The following AHNAK2 variants were observed in gnomAD, a reference collection of about 807,000 sequenced individuals.
The protein encoded by AHNAK2 is AHNAK nucleoprotein 2, also known as protein AHNAK2.
Under a neutral mutation model 30.7 loss-of-function variants are expected in AHNAK2, and 18 were observed. The observed-to-expected ratio is 0.59, with a 90% CI of 0.41 to 0.87. AHNAK2 has a LOEUF of 0.87. Ranked by LOEUF, AHNAK2 falls within the 40% of genes least tolerant of loss-of-function variation. The pLI, the probability that AHNAK2 is intolerant of heterozygous loss-of-function variation, is 0.00. For synonymous variants in AHNAK2, 3,590 were observed against 3,073.8 expected, an observed-to-expected ratio of 1.17 and a Z score of -5.56; for missense variants, 8,604 against 7,373.0, an observed-to-expected ratio of 1.17 and a Z score of -6.11.
In AHNAK2 at chr14:104,941,455, G is replaced by A. The variant is rs1196036502; in HGVS notation, c.13996C>T (p.Pro4666Ser). The A allele has an allele frequency of 1.2e-6, 2 of 1,612,422 alleles. No homozygotes were observed. The highest frequency in any genetic ancestry group is 1.3e-5 in the African/African-American group (1 of 74,930). ...VTFHEKTSTF[P>S]IVESVVHEGD... ...TCATGAACAACAGATTCCACAATGG[G>A]AAATGTGGAAGTCTTCTCATGGAAT... is the stretch of plus-strand genomic sequence containing the variant. The change falls in exon 7 of 7, where the codon CCC becomes TCC. Residue 4666 changes from proline to serine, a missense_variant. Transcript: ENST00000333244.
rs1898257460 is a variant in AHNAK2, at chr14:104,946,165, C to A, written c.9286G>T (p.Asp3096Tyr). 6.2e-7 allele frequency: 1 copy of A among 1,612,122 alleles called. No individual in the cohort carries two copies. Among genetic ancestry groups the A allele is most frequent in the Non-Finnish European group, 8.5e-7 (1 of 1,179,380 alleles). The change falls in exon 7 of 7, where the codon GAC becomes TAC. Residue 3096 changes from aspartate to tyrosine, a missense_variant. By Grantham distance (160) the Asp-to-Tyr change is radical. Transcript: ENST00000333244. ...PKLDLKGPKT[D>Y]VTAPDVEVSQ... is the part of the protein sequence containing the mutation. ...ACCTCCACGTCGGGGGCCGTCACGTCCGTCTTCGGGCCTTTCAGGTCCAGC... is the reference window on the plus strand; with the variant it reads ...ACCTCCACGTCGGGGGCCGTCACGTACGTCTTCGGGCCTTTCAGGTCCAGC...
In AHNAK2 at chr14:104,947,284, C is replaced by G; in HGVS notation, c.8167G>C (p.Glu2723Gln). ...AGGTGCCCTTTGAGGCCGGCTCCCTCGGGAACGTGGCCCTCTGGGAGTTTC... is the reference window on the plus strand; with the variant it reads ...AGGTGCCCTTTGAGGCCGGCTCCCTGGGGAACGTGGCCCTCTGGGAGTTTC... ...DVKLPEGHVP[E>Q]GAGLKGHLPK... The change falls in exon 7 of 7, where the codon GAG becomes CAG. Residue 2723 changes from glutamate to glutamine, a missense_variant. Glu to Gln is a conservative substitution (Grantham distance 29). Coordinates refer to ENST00000333244, the MANE Select transcript of AHNAK2 (RefSeq NM_138420.4). The G allele has an allele frequency of 6.2e-7, 1 of 1,611,594 alleles. No individual in the cohort carries two copies. The highest frequency in any genetic ancestry group is 8.5e-7 in the Non-Finnish European group (1 of 1,179,330).
In AHNAK2 at chr14:104,950,257, G is replaced by A. The variant is rs531726636; in HGVS notation, c.5194C>T (p.Pro1732Ser). Residue 1732 changes from proline (P) to serine (S), a missense_variant, in exon 7 of 7, where the codon CCC becomes TCC. Transcript: ENST00000333244. ...VNVKLPEGPL[P>S]EGAGFKGHLP... ...TGCCCTTTGAAGCCGGCTCCCTCGG[G>A]AAGGGGGCCCTCCGGGAGTTTCACG... is the stretch of plus-strand genomic sequence containing the variant. 2.2e-4 allele frequency: 348 copies of A among 1,583,696 alleles called. 47 individuals are homozygous for A. In the East Asian group the frequency reaches 3.8e-3, roughly 17 times the overall value.
rs1898273201 is a variant in AHNAK2, at chr14:104,946,438, C to A, written c.9013G>T (p.Ala3005Ser). ...KSIEVSVDVS[A>S]PKVEAEVSLP... ...CTCACTTCGGCCTCCACCTTCGGCG[C>A]AGACACATCCACCGAGACCTCAATG... is the stretch of plus-strand genomic sequence containing the variant. The change falls in exon 7 of 7, where the codon GCG (alanine) becomes TCG (serine). Residue 3005 changes from alanine to serine, a missense_variant. Coordinates refer to ENST00000333244, the MANE Select transcript of AHNAK2 (RefSeq NM_138420.4). 2.5e-6 allele frequency: 4 copies of A among 1,612,580 alleles called. No individual in the cohort carries two copies. In the Middle Eastern group the frequency reaches 5.0e-4, roughly 200 times the overall value.
chr14:104,941,839 C>G lies in AHNAK2; in HGVS notation c.13612G>C (p.Glu4538Gln). ...DLKLPEGHMP[E>Q]VAGLKGHLPK... ...AGGTGCCCTTTGAGGCCGGCTACCT[C>G]GGGCATGTGGCCTTCTGGAAGTTTC... Residue 4538 changes from glutamate to glutamine, a missense_variant, in exon 7 of 7, where the codon GAG (glutamate) becomes CAG (glutamine). Coordinates refer to ENST00000333244, the MANE Select transcript of AHNAK2 (RefSeq NM_138420.4). 6.2e-7 allele frequency: 1 copy of G among 1,613,354 alleles called. No individual in the cohort carries two copies. The highest frequency in any genetic ancestry group is 1.1e-5 in the South Asian group (1 of 91,050).
rs144991997 is a variant in AHNAK2 at position 104,937,906 on chromosome 14, G to C, written c.*157C>G. 4,093 of 743,788 alleles carry C rather than the reference G, an allele frequency of 5.5e-3. 31 individuals are homozygous for C. Among genetic ancestry groups the C allele is most frequent in the Non-Finnish European group, 5.7e-3 (2,791 of 491,602 alleles). The allele number at this position is 743,788 out of a possible 1,614,324, so 46.1% of individuals were successfully genotyped here. A position where few individuals can be genotyped will look rare whatever the true frequency, so the allele number is the denominator to read the frequency against. On this transcript the variant is annotated 3_prime_UTR_variant, in exon 7 of 7. Transcript: ENST00000333244. ...TTCCATTTTAGGAGGGCTGTGTGAT[G>C]GTGACAAAGGTGTTCTGGTCATTTC...
Position 104,953,206 on chromosome 14 carries a change from G to T in AHNAK2, c.2245C>A (p.Pro749Thr), listed in dbSNP as rs764636512. ...VDVKLPEGPL[P>T]EGASLKGHLP... is the part of the protein sequence containing the mutation. The stretch of plus-strand genomic sequence containing the variant: ...TGCCCTTTGAGGCTGGCTCCCTCGG[G>T]CAGGGGGCCCTCCGGAAGTTTCACA... The change falls in exon 7 of 7, where the codon CCC becomes ACC. Residue 749 changes from proline (P) to threonine (T), a missense_variant. Pro to Thr is a conservative substitution (Grantham distance 38, BLOSUM62 -1). Transcript: ENST00000333244. 3.1e-6 allele frequency: 5 copies of T among 1,612,750 alleles called. No homozygotes were observed. The South Asian group carries it at 4.4e-5, about 14-fold the overall frequency.
rs764770373 is a variant in AHNAK2 at position 104,941,611 on chromosome 14, G to A, written c.13840C>T (p.Leu4614=). The change falls in exon 7 of 7, where the codon CTG becomes TTG. Residue 4614 remains leucine, a synonymous_variant. Transcript: ENST00000333244. ...MLDGARLEGD[L]SLAHEDVAGK... ...GCTACATCCTCGTGGGCCAGGGACA[G>A]GTCCCCCTCAAGCCGCGCACCATCC... The A allele has an allele frequency of 2.5e-6, 4 of 1,613,384 alleles. No individual in the cohort carries two copies. The Admixed American group carries it at 5.0e-5, about 20-fold the overall frequency.
chr14:104,957,830 T>G (rs1283620761), intron 1 of AHNAK2, among the ~76,000 whole-genome samples, 158 bp from the exon 2 acceptor site: 1 of 152,152 alleles, frequency 6.6e-6, no homozygotes, highest in Non-Finnish European at 1.5e-5. Flanking sequence ...GGAAGATCTA[T>G]AGCCAATGGG....
In AHNAK2 at chr14:104,950,107, C is replaced by T. The variant is rs200164919; in HGVS notation, c.5344G>A (p.Val1782Met). The change falls in exon 7 of 7, where the codon GTG becomes ATG. Residue 1782 changes from valine (V) to methionine (M), a missense_variant. Physicochemically the swap from Val to Met is conservative, Grantham distance 21. Coordinates refer to ENST00000333244, the MANE Select transcript of AHNAK2 (RefSeq NM_138420.4). ...GPKAEVMAPD[V>M]EVSLPSVEVD... is the part of the protein sequence containing the mutation. ...TCCACGCTGGGCAGAGACACCTCCA[C>T]GTCGGGGGCCATCACCTCCGCCTTG... 329 of 1,587,176 alleles carry T rather than the reference C, an allele frequency of 2.1e-4. 35 individuals are homozygous for T. The African/African-American group carries it at 2.5e-3, about 12-fold the overall frequency.
In AHNAK2 at chr14:104,943,325, G is replaced by A. The variant is rs780291163; in HGVS notation, c.12126C>T (p.Pro4042=). Reference sequence around the variant, plus strand: ...GGTGCCCTTTGAGGCTGGCTCCCTCGGGCACGGGGCCCTCTGGGAGTTTCA... The same window carrying A: ...GGTGCCCTTTGAGGCTGGCTCCCTCAGGCACGGGGCCCTCTGGGAGTTTCA... The part of the protein sequence containing the change: ...VDVKLPEGPV[P]EGASLKGHLP... Residue 4042 remains proline (P), a synonymous_variant, in exon 7 of 7, where the codon CCC becomes CCT. Transcript: ENST00000333244. 2.5e-5 allele frequency: 40 copies of A among 1,612,630 alleles called. No individual in the cohort carries two copies. The highest frequency in any genetic ancestry group is 5.4e-5 in the African/African-American group (4 of 74,624).
Position 104,939,822 on chromosome 14 carries a change from G to T in AHNAK2, c.15629C>A (p.Ala5210Asp), listed in dbSNP as rs1357061828. The change falls in exon 7 of 7, where the codon GCT becomes GAT. Residue 5210 changes from alanine to aspartate, a missense_variant. Transcript: ENST00000333244. Reference sequence around the variant, plus strand: ...TGTCTGAGCCACTTCCAGCTTTCCAGCCCCGCCTCTGTCCCTGAAAGAGCG... The same window carrying T: ...TGTCTGAGCCACTTCCAGCTTTCCATCCCCGCCTCTGTCCCTGAAAGAGCG... Reference protein sequence around the residue: ...LRRSFRDRGGAGKLEVAQTQA... With the variant: ...LRRSFRDRGGDGKLEVAQTQA... 1 of 1,613,416 alleles carries T rather than the reference G, an allele frequency of 6.2e-7. No individual in the cohort carries two copies. The highest frequency in any genetic ancestry group is 1.3e-5 in the African/African-American group (1 of 74,924).
At chr14:104,968,011 AC>A (rs1235069678) in intron 1 of AHNAK2, among the ~76,000 whole-genome samples, 1 of 152,086 alleles carries the variant, frequency 6.6e-6, no homozygotes. Context: ...GAATCATGAC[AC>A]TGTTTGTTGA....
rs1260422836 is a variant in AHNAK2 at position 104,947,715 on chromosome 14, A to C, written c.7736T>G (p.Met2579Arg). 2 of 1,612,188 alleles carry C rather than the reference A, an allele frequency of 1.2e-6. No homozygotes were observed. The highest frequency in any genetic ancestry group is 1.7e-6 in the Non-Finnish European group (2 of 1,179,466). ...ATCTAGCTGGGGGCCCTTGAGGTCC[A>C]TTTCAGGCATCTTGAAACTGGGCAT... ...VQMPSFKMPEMDLKGPQLDVK... is the reference protein window; with the variant it reads ...VQMPSFKMPERDLKGPQLDVK... The change falls in exon 7 of 7, where the codon ATG becomes AGG. Residue 2579 changes from methionine (M) to arginine (R), a missense_variant. By Grantham distance (91) the Met-to-Arg change is moderately conservative. Transcript: ENST00000333244.
At chr14:104,970,407 G>T in intron 1 of AHNAK2, 1 of 985,378 alleles carries the variant, frequency 1.0e-6, no homozygotes, top group Non-Finnish European at 1.2e-6. Flanking sequence ...CAGACCCGCG[G>T]AAGAGTGAGG....
Position 104,945,547 on chromosome 14 carries a change from T to C in AHNAK2, c.9904A>G (p.Thr3302Ala). Residue 3302 changes from threonine (T) to alanine (A), a missense_variant, in exon 7 of 7, where the codon ACT becomes GCT. Coordinates refer to ENST00000333244, the MANE Select transcript of AHNAK2 (RefSeq NM_138420.4). ...GDLSLADKDV[T>A]AKDSKFKMPK... ...ATTTTGAACTTGCTGTCTTTGGCAG[T>C]CACATCCTTGTCGGCCAGGGACAGG... 1 of 1,611,552 alleles carries C rather than the reference T, an allele frequency of 6.2e-7. No individual in the cohort carries two copies. Among genetic ancestry groups the C allele is most frequent in the Non-Finnish European group, 8.5e-7 (1 of 1,179,002 alleles).
chr14:104,946,991 C>T lies in AHNAK2; in HGVS notation c.8460G>A (p.Met2820Ile). The T allele has an allele frequency of 6.2e-7, 1 of 1,612,714 alleles. No homozygotes were observed. The highest frequency in any genetic ancestry group is 8.5e-7 in the Non-Finnish European group (1 of 1,179,678). ...CTGGGGCCGACACCCCGAATGACGG[C>T]ATCTTGAACTTGGGCATTTTGAACT... Reference protein sequence around the residue: ...DSKFKMPKFKMPSFGVSAPGK... With the variant: ...DSKFKMPKFKIPSFGVSAPGK... The change falls in exon 7 of 7, where the codon ATG becomes ATA. Residue 2820 changes from methionine (M) to isoleucine (I), a missense_variant. Transcript: ENST00000333244.
chr14:104,941,158 C>A lies in AHNAK2; in HGVS notation c.14293G>T (p.Ala4765Ser), dbSNP rs1897970310. ...TCAAGCCGGGATGATGGAAACCCAGCAAAACCCACCTTAGGCATCTGCATG... is the reference window on the plus strand; with the variant it reads ...TCAAGCCGGGATGATGGAAACCCAGAAAAACCCACCTTAGGCATCTGCATG... ...PSMQMPKVGFAGFPSSRLDLT... is the reference protein window; with the variant it reads ...PSMQMPKVGFSGFPSSRLDLT... Residue 4765 changes from alanine to serine, a missense_variant, in exon 7 of 7, where the codon GCT becomes TCT. Transcript: ENST00000333244. 3 of 1,613,446 alleles carry A rather than the reference C, an allele frequency of 1.9e-6. No individual in the cohort carries two copies. The African/African-American group carries it at 4.0e-5, about 22-fold the overall frequency.
chr14:104,952,853 G>T lies in AHNAK2; in HGVS notation c.2598C>A (p.Asp866Glu), dbSNP rs761886893. ...CCCCCTGCATGGAGGAGAGGCTCAC[G>T]TCGGCCTCCACCTTCGGCGCAGACA... ...VDVSAPKVEA[D>E]VSLSSMQGDL... Residue 866 changes from aspartate (D) to glutamate (E), a missense_variant, in exon 7 of 7, where the codon GAC (aspartate) becomes GAA (glutamate). Coordinates refer to ENST00000333244, the MANE Select transcript of AHNAK2 (RefSeq NM_138420.4). 4.3e-6 allele frequency: 7 copies of T among 1,612,512 alleles called. No homozygotes were observed. The Admixed American group carries it at 8.3e-5, about 19-fold the overall frequency.
Sources: gnomAD v4.1 joint callset for allele counts (sites outside exome capture counted in the v4.1 genomes callset) on GRCh38, gnomAD v4.1.1 for gene constraint, MANE v1.5 for transcripts, NCBI Gene and HGNC (gene_info 2026-07-23, HGNC 2026-07-21) for gene names.